The following HCN1 variants were observed in gnomAD, a reference collection of about 807,000 sequenced individuals.
HCN1 encodes potassium/sodium hyperpolarization-activated cyclic nucleotide-gated channel 1.
HCN1 carries 13 observed loss-of-function variants against 78.9 expected under a neutral mutation model. That is an observed-to-expected ratio of 0.16 (90% confidence interval 0.11 to 0.26). The LOEUF (loss-of-function observed/expected upper bound fraction) is 0.26. Among genes scored for constraint, HCN1 ranks in the 10% least tolerant of loss-of-function variants. The probability of loss-of-function intolerance (pLI) is 1.00; values close to 1 mark genes in which losing one functional copy is unlikely to be tolerated. For synonymous variants in HCN1, 552 were observed against 455.5 expected, an observed-to-expected ratio of 1.21 and a Z score of -2.70; for missense variants, 810 against 1,154.3, an observed-to-expected ratio of 0.70 and a Z score of 4.32.
intron 5 of HCN1, among the ~76,000 whole-genome samples, chr5:45,309,245 T>TATC (rs904722515): frequency 1.3e-5 from 2 of 152,160 alleles, no homozygotes; most frequent in Admixed American, 6.6e-5. Context: ...TGAAGTTGCT[T>TATC]ATCAGCTGAG....
chr5:45,486,001 A>C (rs1485397010), intron 2 of HCN1, among the ~76,000 whole-genome samples: 1 of 152,222 alleles, frequency 6.6e-6, no homozygotes, highest in African/African-American at 2.4e-5. Flanking sequence ...CTATCAGTAT[A>C]TTAATTCACA....
chr5:45,421,046 C>G (rs757050281), intron 3 of HCN1, among the ~76,000 whole-genome samples: 5 of 151,684 alleles, frequency 3.3e-5, no homozygotes, highest in Non-Finnish European at 5.9e-5. Context: ...CCTTTCCTTC[C>G]TTCTCTCTTT....
chr5:45,299,780 C>A (rs1214122773), intron 6 of HCN1, among the ~76,000 whole-genome samples: 1 of 151,910 alleles, frequency 6.6e-6, no homozygotes, highest in Non-Finnish European at 1.5e-5. Context: ...ACAGCGAATA[C>A]TTTTTGAAAA....
chr5:45,684,635 T>C (rs917378642), intron 1 of HCN1, among the ~76,000 whole-genome samples: 4 of 152,050 alleles, frequency 2.6e-5, no homozygotes, highest in South Asian at 2.1e-4. Context: ...CCAAGGTGGG[T>C]GGATTGCTTG....
At chr5:45,581,952 T>C (rs1004560640) in intron 2 of HCN1, among the ~76,000 whole-genome samples, 10 of 152,148 alleles carry the variant, frequency 6.6e-5, no homozygotes, top group Non-Finnish European at 1.2e-4. Context: ...AGTCAGGTAG[T>C]GTGATGCCTC....
intron 2 of HCN1, among the ~76,000 whole-genome samples, chr5:45,495,910 T>C (rs1183786420): frequency 6.6e-6 from 1 of 152,198 alleles, no homozygotes; most frequent in Non-Finnish European, 1.5e-5. Flanking sequence ...CATTTATTGA[T>C]TTGCGTATAT....
At position 45,288,046 on chromosome 5, in the gene HCN1, G is replaced by A. The variant is rs913913483; in HGVS notation, c.1618+15553C>T. On this transcript the variant is annotated intron_variant, in intron 6 of 7. Coordinates refer to ENST00000303230, the MANE Select transcript of HCN1 (RefSeq NM_021072.4). ...TTTACAGGTTTGGAGATATTCTTGG[G>A]GAAGATCTGTGGCTTTCCCAAGGTC... Among the ~76,000 whole-genome samples the A allele has an allele frequency of 2.6e-5, 4 of 151,884 alleles. No homozygotes were observed. In the South Asian group the frequency reaches 8.3e-4, roughly 32 times the overall value.
At chr5:45,400,579 C>T (rs1739773495) in intron 3 of HCN1, among the ~76,000 whole-genome samples, 1 of 151,498 alleles carries the variant, frequency 6.6e-6, no homozygotes, top group Non-Finnish European at 1.5e-5. Flanking sequence ...TTAGTAGAGA[C>T]GGGGTTTCAC....
At chr5:45,568,890 G>A (rs1579974573) in intron 2 of HCN1, among the ~76,000 whole-genome samples, 1 of 152,010 alleles carries the variant, frequency 6.6e-6, no homozygotes, top group East Asian at 1.9e-4. Flanking sequence ...GAAGTTGAAA[G>A]GTCTCTGATC....
At chr5:45,557,628 C>T (rs1464526168) in intron 2 of HCN1, among the ~76,000 whole-genome samples, 1 of 152,044 alleles carries the variant, frequency 6.6e-6, no homozygotes, top group Non-Finnish European at 1.5e-5. Context: ...AGCATGTGCT[C>T]CTTCATGGCT....
At chr5:45,303,458 T>A in intron 6 of HCN1, 141 bp downstream of exon 6, 1 of 786,532 alleles carries the variant, frequency 1.3e-6, no homozygotes, top group Non-Finnish European at 2.1e-6. Flanking sequence ...ATGAAAACAC[T>A]GTTATAGACA....
chr5:45,531,182 A>C (rs538082434), intron 2 of HCN1, among the ~76,000 whole-genome samples: 7 of 152,308 alleles, frequency 4.6e-5, no homozygotes, highest in African/African-American at 9.6e-5. Context: ...ATCTATGGCA[A>C]CAGTGAAACT....
intron 3 of HCN1, among the ~76,000 whole-genome samples, chr5:45,439,848 G>A (rs1344282534): frequency 6.6e-6 from 1 of 151,588 alleles, no homozygotes. Context: ...AGACTGGCAG[G>A]AAGGTACGAA....
At chr5:45,690,167 T>C (rs1052601417) in intron 1 of HCN1, among the ~76,000 whole-genome samples, 2 of 152,128 alleles carry the variant, frequency 1.3e-5, no homozygotes, top group African/African-American at 4.8e-5. Context: ...ACTTTGTATG[T>C]ATGTAAAATT....
chr5:45,297,975 A>G (rs1745533052), intron 6 of HCN1, among the ~76,000 whole-genome samples: 1 of 116,148 alleles, frequency 8.6e-6, no homozygotes, highest in Admixed American at 8.8e-5. Context: ...AATATGATTA[A>G]GAACATCTGA....
At chr5:45,529,403 C>A (rs940902622) in intron 2 of HCN1, among the ~76,000 whole-genome samples, 7 of 151,866 alleles carry the variant, frequency 4.6e-5, no homozygotes, top group Non-Finnish European at 2.9e-5. Context: ...GAAGTAGAAA[C>A]TAGCATGAGT....
chr5:45,263,948 C>T (rs562010739), intron 7 of HCN1, among the ~76,000 whole-genome samples: 1 of 152,140 alleles, frequency 6.6e-6, no homozygotes, highest in East Asian at 1.9e-4. Flanking sequence ...TGCCCGCCAC[C>T]GTGCCCGGTT....
rs749348408 is a variant in HCN1 at position 45,695,797 on chromosome 5, G to T, written c.297C>A (p.Thr99=). The change falls in exon 1 of 8, where the codon ACC becomes ACA. Residue 99 remains threonine, a synonymous_variant. Coordinates refer to ENST00000303230, the MANE Select transcript of HCN1 (RefSeq NM_021072.4). ...RQYGFMQRQF[T]SMLQPGVNKF... ...TGTTGACCCCGGGCTGCAGCATGGA[G>T]GTGAACTGCCTCTGCATGAAGCCGT... is the stretch of plus-strand genomic sequence containing the variant. 4 of 1,611,062 alleles carry T rather than the reference G, an allele frequency of 2.5e-6. No individual in the cohort carries two copies. The highest frequency in any genetic ancestry group is 3.4e-6 in the Non-Finnish European group (4 of 1,179,598).
At chr5:45,630,057 A>G (rs776889497) in intron 2 of HCN1, among the ~76,000 whole-genome samples, 6 of 152,108 alleles carry the variant, frequency 3.9e-5, no homozygotes, top group Non-Finnish European at 8.8e-5. Context: ...GCTAATACCT[A>G]AAAGAGTGTC....
Sources: gnomAD v4.1 joint callset for allele counts (sites outside exome capture counted in the v4.1 genomes callset) on GRCh38, gnomAD v4.1.1 for gene constraint, MANE v1.5 for transcripts, NCBI Gene and HGNC (gene_info 2026-07-23, HGNC 2026-07-21) for gene names.